Variants in CTNNA3 observed in about 807,000 individuals in gnomAD.
CTNNA3 encodes the protein catenin alpha-3.
A neutral mutation model predicts 95.7 loss-of-function variants in CTNNA3; 76 were observed. That is an observed-to-expected ratio of 0.79 (90% CI 0.66 to 0.96). The LOEUF (loss-of-function observed/expected upper bound fraction) is 0.96, where lower values mean the gene tolerates loss of function less well. Ranked by LOEUF, CTNNA3 falls within the 40% of genes least tolerant of loss-of-function variation. The pLI is 0.00. For synonymous variants in CTNNA3, 431 were observed against 374.4 expected (o/e 1.15, Z -1.74); for missense variants, 1,191 against 1,089.8 (o/e 1.09, Z -1.31).
intron 1 of CTNNA3, among the ~76,000 whole-genome samples, chr10:67,720,954 A>C (rs2133619271): frequency 6.6e-6 from 1 of 152,026 alleles, no homozygotes; most frequent in Admixed American, 6.6e-5. Context: ...ACTCCGTCTC[A>C]GAAAAAAAAA....
intron 7 of CTNNA3, among the ~76,000 whole-genome samples, chr10:67,029,217 C>T (rs1173293298): frequency 6.6e-6 from 1 of 152,174 alleles, no homozygotes; most frequent in Non-Finnish European, 1.5e-5. Flanking sequence ...TGAAAAGGTT[C>T]ACTAATGTAC....
At chr10:65,929,705 A>G (rs2077221418) in intron 17 of CTNNA3, among the ~76,000 whole-genome samples, 1 of 151,498 alleles carries the variant, frequency 6.6e-6, no homozygotes, top group African/African-American at 2.4e-5. Context: ...AGTAGCTGGG[A>G]CTACAGGCAC....
intron 1 of CTNNA3, among the ~76,000 whole-genome samples, chr10:67,691,145 C>T (rs555248566): frequency 6.6e-6 from 1 of 152,324 alleles, no homozygotes; most frequent in African/African-American, 2.4e-5. Context: ...CCACCAGCCT[C>T]GGCCTCCCAA....
intron 6 of CTNNA3, among the ~76,000 whole-genome samples, chr10:67,206,176 T>C (rs1051188992): frequency 6.6e-6 from 1 of 152,200 alleles, no homozygotes; most frequent in African/African-American, 2.4e-5. Flanking sequence ...GAGTTTAGGA[T>C]GAACTATGTA....
chr10:66,094,566 T>C (rs149570500), intron 14 of CTNNA3, among the ~76,000 whole-genome samples: 1 of 152,086 alleles, frequency 6.6e-6, no homozygotes, highest in South Asian at 2.1e-4. Flanking sequence ...GGCATGAATG[T>C]TCCCCTCCGC....
intron 7 of CTNNA3, among the ~76,000 whole-genome samples, chr10:67,123,074 C>A (rs1263231933): frequency 6.6e-6 from 1 of 152,094 alleles, no homozygotes; most frequent in Non-Finnish European, 1.5e-5. Context: ...TGGAAAGGCT[C>A]AGCTGTTAGA....
chr10:66,030,413 A>C (rs1008132338), intron 15 of CTNNA3, among the ~76,000 whole-genome samples: 1 of 152,310 alleles, frequency 6.6e-6, no homozygotes. Flanking sequence ...GAGCATCTAC[A>C]ACCATTTGAA....
intron 16 of CTNNA3, among the ~76,000 whole-genome samples, chr10:65,967,824 T>G (rs2078007330): frequency 1.3e-5 from 2 of 152,184 alleles, no homozygotes; most frequent in Non-Finnish European, 2.9e-5. Context: ...AATTCCACTT[T>G]TAGTAAATTT....
intron 9 of CTNNA3, among the ~76,000 whole-genome samples, chr10:66,697,044 T>C (rs896756386): frequency 1.3e-5 from 2 of 152,082 alleles, no homozygotes; most frequent in African/African-American, 4.8e-5. Flanking sequence ...TCTCCCAAGA[T>C]GCCTAGGTGG....
At chr10:67,599,304 A>T (rs759665465) in intron 3 of CTNNA3, among the ~76,000 whole-genome samples, 8 of 152,216 alleles carry the variant, frequency 5.3e-5, no homozygotes, top group Non-Finnish European at 2.9e-5. Context: ...CACCCAAACA[A>T]GAATCCAAAA....
intron 7 of CTNNA3, among the ~76,000 whole-genome samples, chr10:66,849,338 T>C (rs895305465): frequency 1.3e-4 from 20 of 152,166 alleles, no homozygotes; most frequent in African/African-American, 4.6e-4. Flanking sequence ...AATATGGTAG[T>C]CAAATCGTTA....
intron 11 of CTNNA3, among the ~76,000 whole-genome samples, chr10:66,389,937 C>A (rs190944842): frequency 1.3e-5 from 2 of 152,038 alleles, no homozygotes; most frequent in Non-Finnish European, 2.9e-5. Flanking sequence ...GGTCTTGCTA[C>A]GTTGCTCAGG....
At position 67,005,687 on chromosome 10, in the gene CTNNA3, T is replaced by TTTTTTTTTTGTTTG. The variant is rs1554895957; in HGVS notation, c.1047+174629_1047+174630insCAAACAAAAAAAAA. On this transcript the variant is annotated intron_variant, in intron 7 of 17. Transcript: ENST00000433211. Reference sequence around the variant, plus strand: ...TTTTGTTTATTTTACTCCATCTTTTTTTTTTTTTTTTTTTTTGAGACGGAG... The same window carrying TTTTTTTTTTGTTTG: ...TTTTGTTTATTTTACTCCATCTTTTTTTTTTTTTTGTTTGTTTTTTTTTTTTTTTTGAGACGGAG... 5.2e-3 allele frequency among the ~76,000 whole-genome samples: 535 copies of TTTTTTTTTTGTTTG among 102,312 alleles called. 19 individuals carry two copies. The highest frequency in any genetic ancestry group is 0.015 in the African/African-American group (500 of 32,440). 67.1% of individuals were successfully genotyped at this position (102,312 alleles called of 152,430 possible). A position where few individuals can be genotyped will look rare whatever the true frequency, so the allele number is the denominator to read the frequency against.
intron 3 of CTNNA3, among the ~76,000 whole-genome samples, chr10:67,555,123 T>A (rs1223311266): frequency 6.6e-6 from 1 of 152,208 alleles, no homozygotes; most frequent in Non-Finnish European, 1.5e-5. Flanking sequence ...TATCTCTGTT[T>A]TGGTACCAGT....
At chr10:66,469,105 C>T (rs530641709) in intron 11 of CTNNA3, among the ~76,000 whole-genome samples, 43 of 151,920 alleles carry the variant, frequency 2.8e-4, no homozygotes, top group Non-Finnish European at 4.9e-4. Flanking sequence ...ATAGTTTGTG[C>T]CAGGTATTGT....
Position 67,347,802 on chromosome 10 carries a change from CAGAT to C in CTNNA3, c.580-127936_580-127933del, listed in dbSNP as rs558926972. ...ATAGAAAAGAATTTATATGATGCAT[CAGAT>C]AGAAAGTAAAATTTAGTGTTTTCCT... On this transcript the variant is annotated intron_variant, in intron 5 of 17. Coordinates refer to ENST00000433211, the MANE Select transcript of CTNNA3 (RefSeq NM_013266.4). Among the ~76,000 whole-genome samples the C allele has an allele frequency of 3.2e-3, 397 of 123,212 alleles. 2 individuals are homozygous for C. Among genetic ancestry groups the C allele is most frequent in the African/African-American group, 0.011 (382 of 33,904 alleles). 80.8% of individuals were successfully genotyped at this position (123,212 alleles called of 152,430 possible).
intron 17 of CTNNA3, among the ~76,000 whole-genome samples, chr10:65,962,086 G>T (rs1308187302): frequency 6.6e-6 from 1 of 151,968 alleles, no homozygotes; most frequent in Non-Finnish European, 1.5e-5. Flanking sequence ...ATCTATAAAG[G>T]TACATTGGAA....
intron 1 of CTNNA3, among the ~76,000 whole-genome samples, chr10:67,715,422 C>A (rs933379514): frequency 2.0e-5 from 3 of 152,104 alleles, no homozygotes; most frequent in Non-Finnish European, 4.4e-5. Flanking sequence ...GAAGAACTGA[C>A]CAAATGATAG....
intron 5 of CTNNA3, among the ~76,000 whole-genome samples, chr10:67,437,329 G>A (rs748608971): frequency 1.3e-5 from 2 of 152,080 alleles, no homozygotes; most frequent in African/African-American, 2.4e-5. Flanking sequence ...GAGGAAGACT[G>A]GGAGTGGGGT....
Sources: gnomAD v4.1 joint callset for allele counts (sites outside exome capture counted in the v4.1 genomes callset) on GRCh38, gnomAD v4.1.1 for gene constraint, MANE v1.5 for transcripts, NCBI Gene and HGNC (gene_info 2026-07-23, HGNC 2026-07-21) for gene names.